NEK7: variants seen among roughly 807,000 people sequenced by gnomAD.
NEK7 encodes serine/threonine-protein kinase Nek7.
NEK7 carries 18 observed loss-of-function variants against 44.6 expected under a neutral mutation model. The ratio of observed to expected loss-of-function variants is 0.40; its 90% CI spans 0.28 to 0.60. The LOEUF (loss-of-function observed/expected upper bound fraction) is 0.60, where lower values mean the gene tolerates loss of function less well. Ranked by LOEUF, NEK7 falls within the 20% of genes least tolerant of loss-of-function variation. The pLI is 0.38. For synonymous variants in NEK7, 130 were observed against 121.1 expected, an observed-to-expected ratio of 1.07 and a Z score of -0.48; for missense variants, 256 against 366.5, an observed-to-expected ratio of 0.70 and a Z score of 2.46.
At chr1:198,279,103 G>C (rs759151535) in intron 7 of NEK7, 42 bp downstream of exon 7, 1 of 1,197,314 alleles carries the variant, frequency 8.4e-7, no homozygotes, top group Non-Finnish European at 1.2e-6. Context: ...CTTTGTGTAT[G>C]TGTGATTAAA....
chr1:198,175,981 A>G (rs1311182112), intron 1 of NEK7, among the ~76,000 whole-genome samples: 1 of 152,142 alleles, frequency 6.6e-6, no homozygotes, highest in Non-Finnish European at 1.5e-5. Flanking sequence ...CATGCTATGT[A>G]CTCATTATGA....
At chr1:198,273,205 C>CT (rs1426730676) in intron 5 of NEK7, among the ~76,000 whole-genome samples, 1 of 151,756 alleles carries the variant, frequency 6.6e-6, no homozygotes, top group Non-Finnish European at 1.5e-5. Flanking sequence ...TCTCAGTGAT[C>CT]TCATGACTGT....
rs953513275 is a variant in NEK7, at chr1:198,228,469, T to A, written c.-28-4084T>A. Among the ~76,000 whole-genome samples the A allele has an allele frequency of 8.7e-4, 132 of 152,180 alleles. 1 individual carries two copies. The highest frequency in any genetic ancestry group is 2.5e-4 in the Non-Finnish European group (17 of 68,034). ...TAAATTACCTTGGGCAGTATGGCCATTTTCACGATATTGATTCTTCCTACC... is the reference window on the plus strand; with the variant it reads ...TAAATTACCTTGGGCAGTATGGCCAATTTCACGATATTGATTCTTCCTACC... On this transcript the variant is annotated intron_variant, in intron 1 of 9. Transcript: ENST00000367385.
At chr1:198,187,485 G>A (rs1357778300) in intron 1 of NEK7, among the ~76,000 whole-genome samples, 1 of 152,152 alleles carries the variant, frequency 6.6e-6, no homozygotes, top group Non-Finnish European at 1.5e-5. Context: ...AGATACTCCC[G>A]TGGCTGCTCA....
chr1:198,161,059 G>A (rs1367454870), intron 1 of NEK7, among the ~76,000 whole-genome samples: 2 of 152,140 alleles, frequency 1.3e-5, no homozygotes, highest in African/African-American at 4.8e-5. Flanking sequence ...ATACTATTTA[G>A]GTAATGAGGT....
chr1:198,168,135 G>A (rs1664324828), intron 1 of NEK7, among the ~76,000 whole-genome samples: 1 of 152,116 alleles, frequency 6.6e-6, no homozygotes. Context: ...TTTTCAAATC[G>A]TGGGTCAAGT....
At chr1:198,309,202 G>C (rs975557859) in intron 9 of NEK7, among the ~76,000 whole-genome samples, 2 of 152,136 alleles carry the variant, frequency 1.3e-5, no homozygotes, top group African/African-American at 4.8e-5. Context: ...AAGGCAGACA[G>C]GTGAGAGAGC....
At chr1:198,210,496 A>G (rs894828829) in intron 1 of NEK7, among the ~76,000 whole-genome samples, 1 of 152,138 alleles carries the variant, frequency 6.6e-6, no homozygotes. Flanking sequence ...ATTTTTAAAA[A>G]TGATAAATGC....
intron 9 of NEK7, among the ~76,000 whole-genome samples, chr1:198,316,342 G>A (rs1377009460): frequency 1.3e-5 from 2 of 152,162 alleles, no homozygotes; most frequent in African/African-American, 4.8e-5. Flanking sequence ...TTACAGTCAG[G>A]TAATCAAAGA....
chr1:198,256,593 T>C, intron 3 of NEK7: 1 of 1,316,568 alleles, frequency 7.6e-7, no homozygotes, highest in Non-Finnish European at 1.0e-6. Context: ...TGCTGATCAT[T>C]GAATTCATTC....
chr1:198,209,058 T>TATATAC, intron 1 of NEK7, among the ~76,000 whole-genome samples: 1 of 101,810 alleles, frequency 9.8e-6, no homozygotes, highest in African/African-American at 4.5e-5. Flanking sequence ...TATATATATA[T>TATATAC]ACACACACAC....
intron 1 of NEK7, among the ~76,000 whole-genome samples, chr1:198,231,442 A>G: frequency 6.6e-6 from 1 of 150,702 alleles, no homozygotes; most frequent in East Asian, 1.9e-4. Flanking sequence ...TTGGATATCC[A>G]TAAAGAAAAA....
chr1:198,306,078 C>T (rs1270957461), intron 9 of NEK7, among the ~76,000 whole-genome samples: 1 of 152,122 alleles, frequency 6.6e-6, no homozygotes, highest in African/African-American at 2.4e-5. Flanking sequence ...AGGAATGTTA[C>T]TACTCTATAA....
chr1:198,191,802 C>A (rs1665080780), intron 1 of NEK7, among the ~76,000 whole-genome samples: 2 of 151,982 alleles, frequency 1.3e-5, no homozygotes, highest in South Asian at 2.1e-4. Context: ...AGGTGGTAAT[C>A]CTTTGTTTCT....
chr1:198,194,631 C>T (rs1334900074), intron 1 of NEK7, among the ~76,000 whole-genome samples: 2 of 152,118 alleles, frequency 1.3e-5, no homozygotes, highest in Non-Finnish European at 2.9e-5. Context: ...TCCATATTCC[C>T]ACAAAGGACA....
chr1:198,202,574 G>A (rs538160309), intron 1 of NEK7, among the ~76,000 whole-genome samples: 8 of 152,278 alleles, frequency 5.3e-5, no homozygotes, highest in African/African-American at 1.9e-4. Context: ...CTCTGTATTA[G>A]TCTGTTCTGA....
chr1:198,292,910 A>T (rs1470137563), intron 7 of NEK7, 35 bp from the exon 8 acceptor site: 1 of 1,105,788 alleles, frequency 9.0e-7, no homozygotes, highest in Non-Finnish European at 1.4e-6. Flanking sequence ...TTATTTTTAT[A>T]TACCTCTTAC....
intron 1 of NEK7, among the ~76,000 whole-genome samples, chr1:198,170,928 A>AT (rs1190020891): frequency 6.6e-6 from 1 of 152,048 alleles, no homozygotes; most frequent in East Asian, 1.9e-4. Context: ...GATTTCTTAA[A>AT]AAAAAATGTT....
At chr1:198,311,792 T>G (rs976426755) in intron 9 of NEK7, among the ~76,000 whole-genome samples, 2 of 152,186 alleles carry the variant, frequency 1.3e-5, no homozygotes, top group Non-Finnish European at 2.9e-5. Context: ...TGAAGCCCAC[T>G]TGATCATGGT....
Sources: allele counts gnomAD v4.1 joint callset (sites outside exome capture counted in the v4.1 genomes callset), GRCh38; gene constraint gnomAD v4.1.1; transcripts MANE v1.5; gene names NCBI Gene and HGNC (gene_info 2026-07-23, HGNC 2026-07-21).